Variants in BPTF observed in about 807,000 individuals in gnomAD.
The protein encoded by BPTF is bromodomain PHD finger transcription factor.
BPTF carries 18 observed loss-of-function variants against 292.5 expected under a neutral mutation model. The observed-to-expected ratio is 0.06, with a 90% CI of 0.04 to 0.09. BPTF has a LOEUF of 0.09. BPTF is among the 10% of genes least tolerant of loss of function. The probability of loss-of-function intolerance (pLI) is 1.00; values close to 1 mark genes in which losing one functional copy is unlikely to be tolerated. For missense variants in BPTF, 2,726 were observed against 3,498.7 expected (o/e 0.78, Z 5.57); for synonymous variants, 1,225 against 1,251.9 (o/e 0.98, Z 0.45).
chr17:67,980,689 G>A (rs2070234884), intron 27 of BPTF, among the ~76,000 whole-genome samples: 1 of 152,142 alleles, frequency 6.6e-6, no homozygotes, highest in Non-Finnish European at 1.5e-5. Context: ...CAAGACAAAG[G>A]GAATTGGTAA....
chr17:67,833,714 G>A (rs2056911734), intron 1 of BPTF, among the ~76,000 whole-genome samples: 1 of 151,844 alleles, frequency 6.6e-6, no homozygotes, highest in Non-Finnish European at 1.5e-5. Flanking sequence ...GACTACAGGT[G>A]TGTGCCACCA....
rs1395466230 is a variant in BPTF at position 67,880,952 on chromosome 17, T to TAC, written c.1864+5933_1864+5934insCA. On this transcript the variant is annotated intron_variant, in intron 4 of 27. Transcript: ENST00000306378. ...TTGAAGAGGGTGTATGTATATTATA[T>TAC]ATATATACACACACACACACACACA... 8.0e-4 allele frequency among the ~76,000 whole-genome samples: 68 copies of TAC among 85,204 alleles called. 1 individual carries two copies. The highest frequency in any genetic ancestry group is 2.7e-3 in the African/African-American group (68 of 24,894). 55.9% of individuals were successfully genotyped at this position (85,204 alleles called of 152,430 possible).
At chr17:67,966,925 C>A (rs1212423280) in intron 26 of BPTF, among the ~76,000 whole-genome samples, 1 of 151,484 alleles carries the variant, frequency 6.6e-6, no homozygotes, top group Non-Finnish European at 1.5e-5. Context: ...CATGGTGAAA[C>A]CCCATCTCTA....
intron 4 of BPTF, chr17:67,886,377 G>T (rs187482723): frequency 0.024 from 22,513 of 944,020 alleles, 225 homozygotes; most frequent in Non-Finnish European, 0.027. Context: ...TCTTTTTTTT[G>T]TGTGTGTGTG....
At chr17:67,875,309 C>T (rs944797483) in intron 4 of BPTF, among the ~76,000 whole-genome samples, 25 of 152,078 alleles carry the variant, frequency 1.6e-4, no homozygotes, top group African/African-American at 5.8e-4. Flanking sequence ...AGAGTATACA[C>T]TTTTGTATGT....
chr17:67,891,871 A>T lies in BPTF; in HGVS notation c.1892A>T (p.Asn631Ile), dbSNP rs1140781. 4 of 1,606,276 alleles carry T rather than the reference A, an allele frequency of 2.5e-6. No homozygotes were observed. The South Asian group carries it at 4.5e-5, about 18-fold the overall frequency. The change falls in exon 5 of 28, where the codon AAC becomes ATC. Residue 631 changes from asparagine (N) to isoleucine (I), a missense_variant. Around this residue, in one of 22 missense-constraint regions of BPTF, gnomAD observed 187 missense variants for 201.5 expected, o/e 0.93. Transcript: ENST00000306378. The stretch of plus-strand genomic sequence containing the variant: ...GGTGATTTCAAATCGGAGAAGTCCA[A>T]CGGGGAGCTAAGTGAATCTCCTGGA... Reference protein sequence around the residue: ...EVGDFKSEKSNGELSESPGAG... With the variant: ...EVGDFKSEKSIGELSESPGAG...
intron 7 of BPTF, among the ~76,000 whole-genome samples, chr17:67,899,559 T>A (rs2061682537): frequency 6.9e-6 from 1 of 145,518 alleles, no homozygotes; most frequent in Non-Finnish European, 1.5e-5. Flanking sequence ...TGAGACAGAA[T>A]CTTGTTTGTC....
At chr17:67,897,751 A>G (rs982217542) in intron 7 of BPTF, among the ~76,000 whole-genome samples, 1 of 152,212 alleles carries the variant, frequency 6.6e-6, no homozygotes, top group Non-Finnish European at 1.5e-5. Flanking sequence ...GGTATTTCTT[A>G]AATTTCGAGA....
At chr17:67,977,317 C>A (rs2069616345) in intron 27 of BPTF, among the ~76,000 whole-genome samples, 1 of 151,644 alleles carries the variant, frequency 6.6e-6, no homozygotes, top group African/African-American at 2.4e-5. Flanking sequence ...CAGTTCAAGA[C>A]CATCCAGACC....
intron 4 of BPTF, among the ~76,000 whole-genome samples, chr17:67,890,841 T>G (rs539334432): frequency 7.2e-5 from 11 of 152,368 alleles, no homozygotes; most frequent in Non-Finnish European, 1.2e-4. Flanking sequence ...TAGTAAATTA[T>G]CTGTCTTTTC....
rs2063065953 is a variant in BPTF, at chr17:67,917,131, C to CCTTTTTTTTTTTTTTT, written c.5304-1583_5304-1582insCTTTTTTTTTTTTTTT. Reference sequence around the variant, plus strand: ...GATAAGTAACTAATATGGTATTGTCCTTTTTTTTTTTTTTTTTTTGAGATA... The same window carrying CCTTTTTTTTTTTTTTT: ...GATAAGTAACTAATATGGTATTGTCCCTTTTTTTTTTTTTTTTTTTTTTTTTTTTTTTTTTGAGATA... On this transcript the variant is annotated intron_variant, in intron 11 of 27. Coordinates refer to ENST00000306378, the MANE Select transcript of BPTF (RefSeq NM_182641.4). Among the ~76,000 whole-genome samples the CCTTTTTTTTTTTTTTT allele has an allele frequency of 1.8e-4, 19 of 105,790 alleles. 1 individual carries two copies. Among genetic ancestry groups the CCTTTTTTTTTTTTTTT allele is most frequent in the African/African-American group, 6.9e-4 (19 of 27,636 alleles). The allele number at this position is 105,790 out of a possible 152,430, so 69.4% of individuals were successfully genotyped here.
At chr17:67,851,519 TA>T (rs1422825777) in intron 1 of BPTF, among the ~76,000 whole-genome samples, 1 of 152,230 alleles carries the variant, frequency 6.6e-6, no homozygotes, top group Non-Finnish European at 1.5e-5. Context: ...CAGCATGTTT[TA>T]AAAGTAGAAA....
At chr17:67,976,714 A>G (rs80224301) in intron 27 of BPTF, among the ~76,000 whole-genome samples, 5,267 of 116,424 alleles carry the variant, frequency 0.045, 453 homozygotes, top group African/African-American at 0.12. Flanking sequence ...AAAAAAAAAA[A>G]ATAAGAATAA....
chr17:67,907,827 A>C (rs1276495362), intron 9 of BPTF, among the ~76,000 whole-genome samples: 2 of 152,196 alleles, frequency 1.3e-5, no homozygotes, highest in African/African-American at 4.8e-5. Flanking sequence ...ACCGTAATTA[A>C]CAAATTAATA....
At chr17:67,867,128 C>T (rs903556742) in intron 3 of BPTF, among the ~76,000 whole-genome samples, 2 of 152,180 alleles carry the variant, frequency 1.3e-5, no homozygotes, top group African/African-American at 4.8e-5. Context: ...TTTAGTTCTC[C>T]ATATTTCATT....
intron 1 of BPTF, among the ~76,000 whole-genome samples, chr17:67,853,328 T>C (rs1205437104): frequency 1.3e-5 from 2 of 152,184 alleles, no homozygotes; most frequent in Non-Finnish European, 2.9e-5. Context: ...TCCCCCAGCA[T>C]TGGAATTCTT....
At chr17:67,841,859 CTT>C (rs922373372) in intron 1 of BPTF, among the ~76,000 whole-genome samples, 2 of 151,872 alleles carry the variant, frequency 1.3e-5, no homozygotes, top group African/African-American at 4.8e-5. Context: ...CTGATTATCT[CTT>C]TTTTGAGGGG....
Position 67,936,196 on chromosome 17 carries a change from G to A in BPTF, c.6259+4177G>A, listed in dbSNP as rs570236459. On this transcript the variant is annotated intron_variant, in intron 18 of 27. Transcript: ENST00000306378. ...AGCACCAATTCTAATATGAAATATA[G>A]CAGGGTTTTTTGTTGTTGTTGTTTT... 1.3e-4 allele frequency among the ~76,000 whole-genome samples: 20 copies of A among 152,266 alleles called. No individual in the cohort carries two copies. The East Asian group carries it at 2.3e-3, about 18-fold the overall frequency.
intron 4 of BPTF, 91 bp downstream of exon 4, chr17:67,875,111 CA>C: frequency 4.8e-6 from 5 of 1,045,400 alleles, no homozygotes; most frequent in Non-Finnish European, 7.1e-6. Context: ...TGAAATATTG[CA>C]AGCAGCTACC....
Sources: gnomAD v4.1 joint callset for allele counts (sites outside exome capture counted in the v4.1 genomes callset) on GRCh38, gnomAD v4.1.1 for gene constraint, gnomAD v4.1.1 regional missense constraint, MANE v1.5 for transcripts, NCBI Gene and HGNC (gene_info 2026-07-23, HGNC 2026-07-21) for gene names.